Variants in TENM3 observed in about 807,000 individuals in gnomAD.
The protein encoded by TENM3 is teneurin-3.
TENM3 carries 63 observed loss-of-function variants against 255.1 expected under a neutral mutation model. The ratio of observed to expected loss-of-function variants is 0.25; its 90% CI spans 0.20 to 0.30. The LOEUF is 0.30. Among genes scored for constraint, TENM3 ranks in the 10% least tolerant of loss-of-function variants. TENM3 has a pLI of 1.00. For missense variants in TENM3, 2,929 were observed against 3,461.1 expected, an observed-to-expected ratio of 0.85 and a Z score of 3.86; for synonymous variants, 1,306 against 1,322.3, an observed-to-expected ratio of 0.99 and a Z score of 0.27.
At chr4:182,014,015 CGT>C in the TENM3 span, among the ~76,000 whole-genome samples, 4 of 36,154 alleles carry the variant, frequency 1.1e-4, 1 homozygote, top group Non-Finnish European at 2.2e-4. Flanking sequence ...CGTATATATA[CGT>C]GTATATACGT....
chr4:182,557,941 T>A lies in TENM3; in HGVS notation c.512-42983T>A, dbSNP rs1742737971. 3.3e-5 allele frequency among the ~76,000 whole-genome samples: 5 copies of A among 152,332 alleles called. No individual in the cohort carries two copies. The South Asian group carries it at 1.0e-3, about 32-fold the overall frequency. Reference sequence around the variant, plus strand: ...TAACCTGCCCGTTACTCAGTTGCAGTCCTAGTTTACTTCCCGCTTGATCTG... The same window carrying A: ...TAACCTGCCCGTTACTCAGTTGCAGACCTAGTTTACTTCCCGCTTGATCTG... On this transcript the variant is annotated intron_variant, in intron 3 of 27. Transcript: ENST00000511685.
chr4:182,428,436 T>G (rs1771390261), intron 3 of TENM3, among the ~76,000 whole-genome samples: 1 of 152,082 alleles, frequency 6.6e-6, no homozygotes, highest in Admixed American at 6.6e-5. Context: ...CACTGCTGAC[T>G]GATGTTCCCA....
intron 1 of TENM3, among the ~76,000 whole-genome samples, chr4:182,153,727 G>A (rs1750502669): frequency 6.6e-6 from 1 of 152,118 alleles, no homozygotes; most frequent in Non-Finnish European, 1.5e-5. Flanking sequence ...TTTAGACACT[G>A]TATTGTACTT....
At chr4:182,311,023 T>C (rs1480061684) in intron 1 of TENM3, among the ~76,000 whole-genome samples, 1 of 152,174 alleles carries the variant, frequency 6.6e-6, no homozygotes, top group African/African-American at 2.4e-5. Flanking sequence ...AAAACAAAAT[T>C]AGTACAGCTA....
chr4:182,409,977 C>T (rs1360390461), intron 3 of TENM3, among the ~76,000 whole-genome samples: 1 of 151,984 alleles, frequency 6.6e-6, no homozygotes, highest in African/African-American at 2.4e-5. Context: ...GCAGAGTAGC[C>T]ATCATGCCTG....
At chr4:181,835,867 G>T in the TENM3 span, among the ~76,000 whole-genome samples, 1 of 152,170 alleles carries the variant, frequency 6.6e-6, no homozygotes, top group African/African-American at 2.4e-5. Flanking sequence ...GATTAAGAAT[G>T]CAACAGTGGG....
chr4:181,781,745 G>C, the TENM3 span, among the ~76,000 whole-genome samples: 1 of 152,160 alleles, frequency 6.6e-6, no homozygotes, highest in Non-Finnish European at 1.5e-5. Context: ...GTATGACATT[G>C]GCTGTGGCTT....
intron 1 of TENM3, among the ~76,000 whole-genome samples, chr4:182,318,261 T>C (rs1311310059): frequency 6.6e-6 from 1 of 152,196 alleles, no homozygotes; most frequent in African/African-American, 2.4e-5. Context: ...CATAGATATA[T>C]ATAACCTTAT....
intron 1 of TENM3, among the ~76,000 whole-genome samples, chr4:182,244,094 C>T (rs1757484721): frequency 1.3e-5 from 2 of 151,606 alleles, no homozygotes; most frequent in South Asian, 2.1e-4. Context: ...GCTGGGACTA[C>T]AGGCGCCCGC....
At chr4:182,229,954 G>T (rs1756450856) in intron 1 of TENM3, among the ~76,000 whole-genome samples, 2 of 152,046 alleles carry the variant, frequency 1.3e-5, no homozygotes, top group African/African-American at 4.8e-5. Context: ...TATATTTAAA[G>T]TATGTGTATT....
At chr4:181,702,493 A>G in the TENM3 span, among the ~76,000 whole-genome samples, 1 of 152,218 alleles carries the variant, frequency 6.6e-6, no homozygotes, top group African/African-American at 2.4e-5. Flanking sequence ...AGTACAGGGG[A>G]AAACCATATT....
chr4:181,583,621 T>C, the TENM3 span, among the ~76,000 whole-genome samples: 1 of 152,214 alleles, frequency 6.6e-6, no homozygotes, highest in African/African-American at 2.4e-5. Flanking sequence ...TAACTTAATC[T>C]CATAATGGCT....
At chr4:181,721,260 A>G in the TENM3 span, among the ~76,000 whole-genome samples, 2 of 151,902 alleles carry the variant, frequency 1.3e-5, no homozygotes, top group South Asian at 4.2e-4. Context: ...TAGAGTTGTG[A>G]ATGTCATGGC....
chr4:181,541,195 G>A, the TENM3 span, among the ~76,000 whole-genome samples: 1 of 151,836 alleles, frequency 6.6e-6, no homozygotes, highest in Non-Finnish European at 1.5e-5. Flanking sequence ...GCAATATAAT[G>A]AGATTCTCTC....
chr4:182,059,731 A>T, the TENM3 span, among the ~76,000 whole-genome samples: 1 of 137,890 alleles, frequency 7.3e-6, no homozygotes, highest in African/African-American at 2.7e-5. Context: ...CAACATAGTG[A>T]GACTCTGTCT....
chr4:182,493,708 A>G (rs1735505801), intron 3 of TENM3, among the ~76,000 whole-genome samples: 1 of 152,122 alleles, frequency 6.6e-6, no homozygotes, highest in African/African-American at 2.4e-5. Context: ...ATTTCTGTTC[A>G]GTTAGATTGT....
At chr4:181,545,480 T>C in the TENM3 span, among the ~76,000 whole-genome samples, 1 of 152,204 alleles carries the variant, frequency 6.6e-6, no homozygotes. Flanking sequence ...AAGGATCACC[T>C]ACCCCAGAAT....
chr4:181,534,472 C>CG, the TENM3 span, among the ~76,000 whole-genome samples: 58 of 103,502 alleles, frequency 5.6e-4, no homozygotes, highest in South Asian at 6.5e-4. Flanking sequence ...GTCTTCCCCC[C>CG]CCCCACAGAA....
At chr4:181,674,812 T>C in the TENM3 span, among the ~76,000 whole-genome samples, 8 of 152,152 alleles carry the variant, frequency 5.3e-5, no homozygotes, top group Non-Finnish European at 4.4e-5. Context: ...TTTTTTAAAA[T>C]ATAATTAACA....
Sources: gnomAD v4.1 joint callset for allele counts (sites outside exome capture counted in the v4.1 genomes callset) on GRCh38, gnomAD v4.1.1 for gene constraint, MANE v1.5 for transcripts, NCBI Gene and HGNC (gene_info 2026-07-23, HGNC 2026-07-21) for gene names.